The following PITPNC1 variants were observed in gnomAD, a reference collection of about 807,000 sequenced individuals.
PITPNC1 encodes phosphatidylinositol transfer protein cytoplasmic 1, also known as cytoplasmic phosphatidylinositol transfer protein 1.
A neutral mutation model predicts 44.7 loss-of-function variants in PITPNC1; 18 were observed. That is an observed-to-expected ratio of 0.40 (90% CI 0.28 to 0.60). The LOEUF is 0.60. Among genes scored for constraint, PITPNC1 ranks in the 20% least tolerant of loss-of-function variants. The pLI is 0.39. For synonymous variants in PITPNC1, 141 were observed against 149.6 expected, an observed-to-expected ratio of 0.94 and a Z score of 0.42; for missense variants, 290 against 418.4, an observed-to-expected ratio of 0.69 and a Z score of 2.68.
chr17:67,552,121 G>A, intron 2 of PITPNC1, 136 bp from the exon 3 acceptor site: 1 of 635,936 alleles, frequency 1.6e-6, no homozygotes, highest in Non-Finnish European at 2.8e-6. Flanking sequence ...CCGAAGAGAT[G>A]GGGAAAGGGC....
At chr17:67,623,307 T>C (rs1001568313) in intron 5 of PITPNC1, among the ~76,000 whole-genome samples, 2 of 152,162 alleles carry the variant, frequency 1.3e-5, no homozygotes, top group African/African-American at 4.8e-5. Context: ...TCTACACAGC[T>C]ACTAGGCTTG....
intron 1 of PITPNC1, among the ~76,000 whole-genome samples, chr17:67,393,522 G>A (rs762310298): frequency 2.0e-5 from 3 of 151,964 alleles, no homozygotes; most frequent in Non-Finnish European, 4.4e-5. Flanking sequence ...TCTGCCCTCT[G>A]TCAAAGGAAG....
At chr17:67,420,465 T>C (rs1404719554) in intron 1 of PITPNC1, among the ~76,000 whole-genome samples, 1 of 150,736 alleles carries the variant, frequency 6.6e-6, no homozygotes, top group Non-Finnish European at 1.5e-5. Flanking sequence ...CTTGAGTCTT[T>C]CTCTGTTGCC....
intron 1 of PITPNC1, among the ~76,000 whole-genome samples, chr17:67,409,320 A>G (rs1275837084): frequency 2.7e-5 from 4 of 150,894 alleles, no homozygotes; most frequent in Non-Finnish European, 5.9e-5. Context: ...TCCTGACCTC[A>G]TGATCCACCC....
intron 7 of PITPNC1, among the ~76,000 whole-genome samples, chr17:67,670,942 C>T (rs2042503021): frequency 6.6e-6 from 1 of 151,928 alleles, no homozygotes; most frequent in South Asian, 2.1e-4. Flanking sequence ...AGTACAGTGG[C>T]ACAATCTCAG....
intron 1 of PITPNC1, among the ~76,000 whole-genome samples, chr17:67,529,119 C>G (rs1440227043): frequency 6.6e-6 from 1 of 152,146 alleles, no homozygotes; most frequent in East Asian, 1.9e-4. Flanking sequence ...TGCCCCGCGC[C>G]GGCTCATTCA....
intron 5 of PITPNC1, among the ~76,000 whole-genome samples, chr17:67,607,738 T>G (rs1457112268): frequency 6.6e-6 from 1 of 151,562 alleles, no homozygotes; most frequent in Non-Finnish European, 1.5e-5. Context: ...TTTCTTTTTT[T>G]TTTTTTTGAG....
intron 1 of PITPNC1, among the ~76,000 whole-genome samples, chr17:67,470,434 T>G (rs2039503902): frequency 6.6e-6 from 1 of 152,264 alleles, no homozygotes; most frequent in Non-Finnish European, 1.5e-5. Context: ...TAACAAGCAC[T>G]GATCTGCTTT....
At chr17:67,658,791 C>T (rs962706293) in intron 6 of PITPNC1, among the ~76,000 whole-genome samples, 2 of 152,056 alleles carry the variant, frequency 1.3e-5, no homozygotes, top group Non-Finnish European at 2.9e-5. Context: ...CCTTTACTTA[C>T]TCAGTTGCTT....
At chr17:67,540,896 A>G (rs2040597391) in intron 2 of PITPNC1, among the ~76,000 whole-genome samples, 1 of 152,218 alleles carries the variant, frequency 6.6e-6, no homozygotes, top group East Asian at 1.9e-4. Flanking sequence ...TGAGAAACCC[A>G]CAGCCAGGAA....
chr17:67,577,247 C>T (rs2041161768), intron 4 of PITPNC1, among the ~76,000 whole-genome samples: 1 of 152,106 alleles, frequency 6.6e-6, no homozygotes. Flanking sequence ...GCTGTGACTG[C>T]ACCACTGCAC....
intron 2 of PITPNC1, among the ~76,000 whole-genome samples, chr17:67,537,813 TAC>T (rs1016774588): frequency 6.3e-5 from 3 of 47,824 alleles, no homozygotes; most frequent in African/African-American, 2.0e-4. Context: ...CTACTAAAAA[TAC>T]AAAAAAATTA....
intron 5 of PITPNC1, among the ~76,000 whole-genome samples, chr17:67,603,594 C>T (rs1040343883): frequency 6.6e-6 from 1 of 152,134 alleles, no homozygotes; most frequent in Non-Finnish European, 1.5e-5. Flanking sequence ...CACGTGCTCT[C>T]ATGTAACTAA....
chr17:67,436,166 A>G (rs181206444), intron 1 of PITPNC1, among the ~76,000 whole-genome samples: 1 of 150,474 alleles, frequency 6.6e-6, no homozygotes, highest in East Asian at 1.9e-4. Context: ...CCACCCAGCT[A>G]ATTTTTAAAT....
chr17:67,411,711 T>A (rs1796829727), intron 1 of PITPNC1, among the ~76,000 whole-genome samples: 1 of 152,132 alleles, frequency 6.6e-6, no homozygotes, highest in Non-Finnish European at 1.5e-5. Context: ...GGGCACGAGA[T>A]CAGAGCTAGA....
intron 6 of PITPNC1, among the ~76,000 whole-genome samples, chr17:67,645,204 G>C (rs2042133843): frequency 6.6e-6 from 1 of 152,138 alleles, no homozygotes; most frequent in Non-Finnish European, 1.5e-5. Flanking sequence ...AGCCAGGCAT[G>C]GTGGCGGGCA....
At chr17:67,662,993 C>T (rs1315114717) in intron 6 of PITPNC1, among the ~76,000 whole-genome samples, 3 of 152,146 alleles carry the variant, frequency 2.0e-5, no homozygotes, top group Admixed American at 6.5e-5. Flanking sequence ...CAGTGATGAA[C>T]ATATGAGTGC....
chr17:67,422,200 C>T (rs2038680523), intron 1 of PITPNC1, among the ~76,000 whole-genome samples: 1 of 152,154 alleles, frequency 6.6e-6, no homozygotes, highest in African/African-American at 2.4e-5. Context: ...CAGCATGTTC[C>T]CAGGCCCATC....
chr17:67,662,708 C>T (rs896214345), intron 6 of PITPNC1, among the ~76,000 whole-genome samples: 1 of 152,134 alleles, frequency 6.6e-6, no homozygotes. Context: ...TTGGCTTCTT[C>T]TACTTAGTAG....
Sources: gnomAD v4.1 joint callset for allele counts (sites outside exome capture counted in the v4.1 genomes callset) on GRCh38, gnomAD v4.1.1 for gene constraint, MANE v1.5 for transcripts, NCBI Gene and HGNC (gene_info 2026-07-23, HGNC 2026-07-21) for gene names.